The following CREBBP variants were observed in gnomAD, a reference collection of about 807,000 sequenced individuals.
The protein encoded by CREBBP is CREB-binding protein.
Under a neutral mutation model 265.0 loss-of-function variants are expected in CREBBP, and 19 were observed. The observed-to-expected ratio is 0.07, with a 90% CI of 0.05 to 0.11. CREBBP has a LOEUF of 0.11. CREBBP is among the 10% of genes least tolerant of loss of function. The probability of loss-of-function intolerance (pLI) is 1.00; values close to 1 mark genes in which losing one functional copy is unlikely to be tolerated. For synonymous variants in CREBBP, 1,457 were observed against 1,223.7 expected (o/e 1.19, Z -3.98); for missense variants, 2,525 against 3,219.0 (o/e 0.78, Z 5.22).
At chr16:3,736,554 A>T in intron 27 of CREBBP, 96 bp downstream of exon 27, 1 of 1,507,384 alleles carries the variant, frequency 6.6e-7, no homozygotes, top group Non-Finnish European at 9.2e-7. Context: ...TCATAAGTGA[A>T]GGTAATTAAC....
chr16:3,846,578 G>C (rs952556377), intron 2 of CREBBP, among the ~76,000 whole-genome samples: 1 of 152,218 alleles, frequency 6.6e-6, no homozygotes, highest in Non-Finnish European at 1.5e-5. Flanking sequence ...CATGGCACAA[G>C]TCCTTAAATT....
intron 9 of CREBBP, 69 bp from the exon 10 acceptor site, chr16:3,778,251 A>C: frequency 7.7e-7 from 1 of 1,303,190 alleles, no homozygotes; most frequent in South Asian, 1.2e-5. Flanking sequence ...TCTGTGTTGT[A>C]GGTTCTAACT....
chr16:3,782,958 C>T (rs130025), intron 5 of CREBBP, 32 bp from the exon 6 acceptor site: 12 of 1,613,696 alleles, frequency 7.4e-6, no homozygotes, highest in South Asian at 3.3e-5. Context: ...CAGACAAAAA[C>T]GAGAGGTAAG....
chr16:3,771,485 T>C (rs552096177), intron 13 of CREBBP, among the ~76,000 whole-genome samples: 6 of 152,330 alleles, frequency 3.9e-5, no homozygotes, highest in African/African-American at 9.6e-5. Context: ...ACGTTTCTTA[T>C]AGTCTGATTT....
At chr16:3,878,256 T>C (rs1396337231) in intron 1 of CREBBP, among the ~76,000 whole-genome samples, 2 of 152,240 alleles carry the variant, frequency 1.3e-5, no homozygotes, top group Non-Finnish European at 2.9e-5. Context: ...GCAAGATTAA[T>C]GAAGCAACGG....
intron 2 of CREBBP, among the ~76,000 whole-genome samples, chr16:3,819,132 C>T (rs574507746): frequency 1.3e-5 from 2 of 152,260 alleles, no homozygotes; most frequent in African/African-American, 2.4e-5. Flanking sequence ...TCTGAAAAAA[C>T]CAAATTTTTC....
At chr16:3,798,715 T>C (rs1440906573) in intron 3 of CREBBP, among the ~76,000 whole-genome samples, 2 of 152,188 alleles carry the variant, frequency 1.3e-5, no homozygotes, top group Admixed American at 6.5e-5. Flanking sequence ...GAACCTGGAA[T>C]CCTCATACAT....
chr16:3,780,326 C>T (rs2053244245), intron 8 of CREBBP, among the ~76,000 whole-genome samples: 1 of 151,238 alleles, frequency 6.6e-6, no homozygotes, highest in Non-Finnish European at 1.5e-5. Flanking sequence ...GCCATCTATA[C>T]TCTAAACTTT....
intron 3 of CREBBP, 136 bp from the exon 4 acceptor site, chr16:3,793,762 C>T: frequency 9.6e-7 from 1 of 1,045,270 alleles, no homozygotes. Context: ...AGTTCTCTAA[C>T]CCACTGATGA....
chr16:3,765,517 T>C (rs867856014), intron 16 of CREBBP, among the ~76,000 whole-genome samples: 9 of 152,320 alleles, frequency 5.9e-5, no homozygotes, highest in African/African-American at 4.8e-5. Flanking sequence ...TTCTCAGAAA[T>C]GAACAAAGAG....
intron 2 of CREBBP, among the ~76,000 whole-genome samples, chr16:3,830,886 A>AT (rs1413407534): frequency 5.9e-5 from 9 of 152,118 alleles, no homozygotes; most frequent in African/African-American, 1.9e-4. Flanking sequence ...GGGTGAAGCG[A>AT]TTTTTGTATC....
At chr16:3,797,231 G>A (rs2053625607) in intron 3 of CREBBP, among the ~76,000 whole-genome samples, 1 of 152,146 alleles carries the variant, frequency 6.6e-6, no homozygotes, top group Admixed American at 6.5e-5. Context: ...CGTTTTGTGT[G>A]ATTTTGTTTT....
At chr16:3,854,773 G>T (rs947016533) in intron 1 of CREBBP, among the ~76,000 whole-genome samples, 2 of 152,188 alleles carry the variant, frequency 1.3e-5, no homozygotes, top group Non-Finnish European at 2.9e-5. Flanking sequence ...TCTTTGGGCT[G>T]CCCCTGCAGA....
intron 5 of CREBBP, among the ~76,000 whole-genome samples, chr16:3,783,367 C>G (rs1244032385): frequency 6.6e-6 from 1 of 152,202 alleles, no homozygotes; most frequent in African/African-American, 2.4e-5. Context: ...CACTGCTCAC[C>G]TGCACAGGTA....
In CREBBP at chr16:3,770,657, T is replaced by A. The variant is rs2141199771; in HGVS notation, c.2793A>T (p.Gln931His). 1 of 1,613,896 alleles carries A rather than the reference T, an allele frequency of 6.2e-7. No homozygotes were observed. The highest frequency in any genetic ancestry group is 8.5e-7 in the Non-Finnish European group (1 of 1,179,960). ...CCACAGACGGGGGCTGAACTGGGGTTTGAGGCTGCGGGGTCACCTGGGCCT... is the reference window on the plus strand; with the variant it reads ...CCACAGACGGGGGCTGAACTGGGGTATGAGGCTGCGGGGTCACCTGGGCCT... ...AAQAQVTPQP[Q>H]TPVQPPSVAT... Residue 931 changes from glutamine to histidine, a missense_variant, in exon 14 of 31, where the codon CAA (glutamine) becomes CAT (histidine). Physicochemically the swap from Gln to His is conservative, Grantham distance 24 (BLOSUM62 0). Around this residue, in one of 19 missense-constraint regions of CREBBP, gnomAD observed 548 missense variants for 533.0 expected, o/e 1.03. Transcript: ENST00000262367.
chr16:3,763,970 G>A (rs1039573898), intron 16 of CREBBP, among the ~76,000 whole-genome samples: 2 of 150,620 alleles, frequency 1.3e-5, no homozygotes, highest in Non-Finnish European at 2.9e-5. Flanking sequence ...TCAGCCTTCC[G>A]AGTAGCTGGG....
At chr16:3,736,557 T>G in intron 27 of CREBBP, 93 bp downstream of exon 27, 2 of 1,521,200 alleles carry the variant, frequency 1.3e-6, no homozygotes, top group South Asian at 2.2e-5. Flanking sequence ...TAAGTGAAGG[T>G]AATTAACAAG....
chr16:3,879,701 G>C, intron 1 of CREBBP, 131 bp downstream of exon 1: 1 of 989,786 alleles, frequency 1.0e-6, no homozygotes, highest in Non-Finnish European at 1.6e-6. Flanking sequence ...CGGGGCGAGG[G>C]GAACGGGCTG....
chr16:3,857,188 A>G (rs954253379), intron 1 of CREBBP, among the ~76,000 whole-genome samples: 2 of 152,190 alleles, frequency 1.3e-5, no homozygotes, highest in African/African-American at 4.8e-5. Flanking sequence ...AGTTGTAAGC[A>G]GGGCTTATGT....
Sources: gnomAD v4.1 joint callset for allele counts (sites outside exome capture counted in the v4.1 genomes callset) on GRCh38, gnomAD v4.1.1 for gene constraint, gnomAD v4.1.1 regional missense constraint, MANE v1.5 for transcripts, NCBI Gene and HGNC (gene_info 2026-07-23, HGNC 2026-07-21) for gene names.